The following TLK1 variants were observed in gnomAD, a reference collection of about 807,000 sequenced individuals.
TLK1 encodes the protein serine/threonine-protein kinase tousled-like 1.
A neutral mutation model predicts 105.3 loss-of-function variants in TLK1; 24 were observed. The observed-to-expected ratio is 0.23, with a 90% CI of 0.17 to 0.32. TLK1 has a LOEUF of 0.32. Ranked by LOEUF, TLK1 falls within the 10% of genes least tolerant of loss-of-function variation. TLK1 has a pLI of 1.00. For synonymous variants in TLK1, 321 were observed against 310.4 expected, an observed-to-expected ratio of 1.03 and a Z score of -0.36; for missense variants, 558 against 910.5, an observed-to-expected ratio of 0.61 and a Z score of 4.98.
chr2:171,029,848 T>C (rs967514885), intron 11 of TLK1, among the ~76,000 whole-genome samples: 1 of 152,050 alleles, frequency 6.6e-6, no homozygotes, highest in African/African-American at 2.4e-5. Flanking sequence ...CAAATTCAAG[T>C]GATTCTCCTA....
At chr2:171,072,434 A>AAACCC (rs1479335959) in intron 3 of TLK1, among the ~76,000 whole-genome samples, 1 of 152,102 alleles carries the variant, frequency 6.6e-6, no homozygotes, top group African/African-American at 2.4e-5. Flanking sequence ...CAACATGGTG[A>AAACCC]AACCCCATCT....
chr2:170,994,804 T>C (rs1233498048), intron 20 of TLK1: 4 of 430,542 alleles, frequency 9.3e-6, no homozygotes, highest in Non-Finnish European at 1.9e-5. Flanking sequence ...ATGTTCTCCT[T>C]TGCCAGGCCT....
At position 171,012,622 on chromosome 2, in the gene TLK1, G is replaced by C. The variant is rs1684973189; in HGVS notation, c.1335-1168C>G. Among the ~76,000 whole-genome samples the C allele has an allele frequency of 3.3e-5, 5 of 152,030 alleles. No homozygotes were observed. In the South Asian group the frequency reaches 1.0e-3, roughly 32 times the overall value. The stretch of plus-strand genomic sequence containing the variant: ...GTCTCCCAATTAGCTAAGACTATAG[G>C]CATGTGCCACCACGCCCAGCTAATT... On this transcript the variant is annotated intron_variant, in intron 13 of 20. Coordinates refer to ENST00000431350, the MANE Select transcript of TLK1 (RefSeq NM_012290.5).
intron 2 of TLK1, among the ~76,000 whole-genome samples, chr2:171,090,342 C>G (rs1241291356): frequency 6.9e-6 from 1 of 145,768 alleles, no homozygotes; most frequent in African/African-American, 2.7e-5. Flanking sequence ...AATCAATGAC[C>G]TTAACTAATT....
rs1575548166 is a variant in TLK1 at position 171,046,206 on chromosome 2, A to G, written c.1137T>C (p.Asn379=). The change falls in exon 11 of 21, where the codon AAT becomes AAC. Residue 379 remains asparagine, a synonymous_variant. Transcript: ENST00000431350. ...RKNKAVNGAE[N]DPFVRPNLPQ... The stretch of plus-strand genomic sequence containing the variant: ...GTAAATTTGGTCTAACAAAGGGATC[A>G]TTCTCTGCTCCATTGACTGCTTTGT... The G allele has an allele frequency of 6.2e-7, 1 of 1,603,340 alleles. No individual in the cohort carries two copies. The highest frequency in any genetic ancestry group is 2.2e-5 in the East Asian group (1 of 44,746).
At position 171,160,142 on chromosome 2, in the gene TLK1, C is replaced by G; in HGVS notation, c.139+148G>C. On this transcript the variant is annotated intron_variant, in intron 1 of 20. Transcript: ENST00000431350. This position sits in a 1 kb window ranked among gnomAD's most constrained non-coding sequence, Gnocchi z 4.4. Reference sequence around the variant, plus strand: ...GCACTACCTCCCCAGAGCCGGGGAGCCGGGCGGCCTCGCGTCCACCTCGCC... The same window carrying G: ...GCACTACCTCCCCAGAGCCGGGGAGGCGGGCGGCCTCGCGTCCACCTCGCC... 1.1e-6 allele frequency: 1 copy of G among 891,318 alleles called. No homozygotes were observed. The highest frequency in any genetic ancestry group is 1.5e-6 in the Non-Finnish European group (1 of 677,106). 55.2% of individuals were successfully genotyped at this position (891,318 alleles called of 1,614,324 possible).
At chr2:171,026,053 CAAAGA>C (rs551476900) in intron 12 of TLK1, among the ~76,000 whole-genome samples, 338 of 150,936 alleles carry the variant, frequency 2.2e-3, no homozygotes, top group African/African-American at 7.8e-3. Flanking sequence ...TGATGAAGGT[CAAAGA>C]AAAGAAAAGT....
intron 14 of TLK1, among the ~76,000 whole-genome samples, chr2:171,007,497 T>G (rs1684702130): frequency 6.6e-6 from 1 of 151,958 alleles, no homozygotes; most frequent in Non-Finnish European, 1.5e-5. Flanking sequence ...TTAGAAAAAT[T>G]AAAAAGTTCC....
At chr2:171,190,680 G>T (rs963570602) in intron 1 of TLK1, among the ~76,000 whole-genome samples, 1 of 152,110 alleles carries the variant, frequency 6.6e-6, no homozygotes, top group Non-Finnish European at 1.5e-5. Context: ...TTCAAAATGT[G>T]AAATCTTTAT....
rs552187845 is a variant in TLK1 at position 171,099,395 on chromosome 2, T to C, written c.259-16543A>G. Among the ~76,000 whole-genome samples, 62 of 152,328 alleles carry C rather than the reference T, an allele frequency of 4.1e-4. 1 individual carries two copies. The South Asian group carries it at 0.013, about 31-fold the overall frequency. On this transcript the variant is annotated intron_variant, in intron 2 of 20. Transcript: ENST00000431350. ...GAATGTACCAACAGTTGTGTTCATG[T>C]GCTAGAAGACTTAATGTTATTAGGA...
intron 1 of TLK1, among the ~76,000 whole-genome samples, chr2:171,122,465 C>T (rs1046345383): frequency 6.6e-5 from 10 of 152,084 alleles, no homozygotes; most frequent in African/African-American, 2.4e-4. Context: ...CCGACCACAC[C>T]AGAATCTGCA....
intron 1 of TLK1, among the ~76,000 whole-genome samples, chr2:171,144,330 A>T (rs1229968851): frequency 6.6e-6 from 1 of 152,066 alleles, no homozygotes; most frequent in Non-Finnish European, 1.5e-5. Flanking sequence ...GATGGAAAAG[A>T]CAGCTAGAGA....
intron 2 of TLK1, among the ~76,000 whole-genome samples, chr2:171,096,719 C>A (rs1689468668): frequency 6.7e-6 from 1 of 149,888 alleles, no homozygotes; most frequent in Admixed American, 6.7e-5. Flanking sequence ...GATGGCACCA[C>A]TGCACTCCAG....
chr2:171,115,033 CAATAGAAAAAT>C (rs1445361272), intron 2 of TLK1, among the ~76,000 whole-genome samples: 1 of 151,974 alleles, frequency 6.6e-6, no homozygotes, highest in Non-Finnish European at 1.5e-5. Context: ...GTTATGGAAA[CAATAGAAAAAT>C]ACAGATTTAA....
intron 2 of TLK1, among the ~76,000 whole-genome samples, chr2:171,093,190 C>G (rs1047014174): frequency 1.4e-4 from 22 of 152,186 alleles, no homozygotes; most frequent in African/African-American, 5.1e-4. Flanking sequence ...AGACACAGAG[C>G]TAAGTGCTGA....
intron 1 of TLK1, among the ~76,000 whole-genome samples, chr2:171,135,340 T>C (rs1448239667): frequency 2.0e-5 from 3 of 150,518 alleles, no homozygotes; most frequent in Non-Finnish European, 3.0e-5. Context: ...TATATATATA[T>C]ATATCAAAAC....
At chr2:171,220,278 A>G (rs1429647753) in intron 1 of TLK1, among the ~76,000 whole-genome samples, 1 of 152,204 alleles carries the variant, frequency 6.6e-6, no homozygotes, top group Non-Finnish European at 1.5e-5. Context: ...TACATCATCA[A>G]TATGAAGGGA....
chr2:171,019,183 G>T (rs954141300), intron 12 of TLK1, among the ~76,000 whole-genome samples: 3 of 151,964 alleles, frequency 2.0e-5, no homozygotes, highest in Non-Finnish European at 4.4e-5. Flanking sequence ...TCCCTCACCA[G>T]ATCTTCAGCA....
chr2:171,043,762 T>C (rs1414332668), intron 11 of TLK1, among the ~76,000 whole-genome samples: 1 of 151,978 alleles, frequency 6.6e-6, no homozygotes, highest in Non-Finnish European at 1.5e-5. Flanking sequence ...TTTAAAGAAA[T>C]AGAGACAAGG....
Sources: allele counts gnomAD v4.1 joint callset (sites outside exome capture counted in the v4.1 genomes callset), GRCh38; gene constraint gnomAD v4.1.1; non-coding constraint Gnocchi (gnomAD v3.1); transcripts MANE v1.5; gene names NCBI Gene and HGNC (gene_info 2026-07-23, HGNC 2026-07-21).